Variants in SLC9B1 observed in about 807,000 individuals in gnomAD.
SLC9B1 encodes solute carrier family 9 member B1, also known as sodium/hydrogen exchanger 9B1.
In SLC9B1, 32 loss-of-function variants were observed where a neutral mutation model predicts 51.7. The observed-to-expected ratio is 0.62, with a 90% CI of 0.47 to 0.83. SLC9B1 has a LOEUF of 0.83. SLC9B1 is among the 40% of genes least tolerant of loss of function. SLC9B1 has a pLI of 0.00. For missense variants in SLC9B1, 406 were observed against 613.2 expected (o/e 0.66, Z 3.57); for synonymous variants, 145 against 212.7 (o/e 0.68, Z 2.77).
intron 7 of SLC9B1, among the ~76,000 whole-genome samples, chr4:102,917,494 TC>T (rs1735642078): frequency 6.6e-6 from 1 of 151,608 alleles, no homozygotes; most frequent in South Asian, 2.1e-4. Context: ...TATCTATATC[TC>T]CTATTGGTTC....
chr4:102,905,014 T>C (rs1202374712), intron 11 of SLC9B1, among the ~76,000 whole-genome samples: 11 of 146,320 alleles, frequency 7.5e-5, no homozygotes, highest in Non-Finnish European at 1.4e-4. Flanking sequence ...AGCAGTTGGG[T>C]GTGGTGGCAG....
At chr4:102,959,364 TA>T (rs565849256) in intron 3 of SLC9B1, among the ~76,000 whole-genome samples, 3 of 152,234 alleles carry the variant, frequency 2.0e-5, no homozygotes, top group South Asian at 2.1e-4. Flanking sequence ...AAAATGGGGA[TA>T]AAAAAATTAT....
rs1560950270 is a variant in SLC9B1, at chr4:102,955,903, G to GAAAGAAAGAA, written c.212-6477_212-6476insTTCTTTCTTT. Among the ~76,000 whole-genome samples, 115 of 81,994 alleles carry GAAAGAAAGAA rather than the reference G, an allele frequency of 1.4e-3. 1 individual carries two copies. Among genetic ancestry groups the GAAAGAAAGAA allele is most frequent in the South Asian group, 3.1e-3 (9 of 2,936 alleles). The allele number at this position is 81,994 out of a possible 152,430, so 53.8% of individuals were successfully genotyped here. A position where few individuals can be genotyped will look rare whatever the true frequency, so the allele number is the denominator to read the frequency against. ...AAAGAAAGAAAGAAAGAAAGAAAGA[G>GAAAGAAAGAA]AGAGAAAGACCCACATGCAAGGCTA... On this transcript the variant is annotated intron_variant, in intron 3 of 11. Transcript: ENST00000296422.
At chr4:102,949,458 T>G (rs1737435074) in intron 3 of SLC9B1, 31 bp from the exon 4 acceptor site, 1 of 1,513,326 alleles carries the variant, frequency 6.6e-7, no homozygotes, top group African/African-American at 1.4e-5. Flanking sequence ...CAGCTATATA[T>G]CTACATACAC....
chr4:102,916,461 A>G (rs1192066184), intron 7 of SLC9B1, among the ~76,000 whole-genome samples: 6 of 152,226 alleles, frequency 3.9e-5, no homozygotes, highest in Non-Finnish European at 5.9e-5. Flanking sequence ...TTGAGGGGTA[A>G]CATAGATAAC....
intron 3 of SLC9B1, among the ~76,000 whole-genome samples, chr4:102,953,995 C>T (rs1253738339): frequency 5.9e-5 from 2 of 34,066 alleles, no homozygotes; most frequent in Admixed American, 4.2e-4. Flanking sequence ...CTGGCCAGAA[C>T]TTCCAACACT....
chr4:103,013,639 C>T (rs1741186840), intron 1 of SLC9B1, among the ~76,000 whole-genome samples: 1 of 152,214 alleles, frequency 6.6e-6, no homozygotes, highest in Non-Finnish European at 1.5e-5. Context: ...TTACAAGCAT[C>T]TTAAGTTAGT....
intron 1 of SLC9B1, among the ~76,000 whole-genome samples, chr4:102,999,740 T>C (rs1436392501): frequency 6.6e-6 from 1 of 152,234 alleles, no homozygotes; most frequent in Non-Finnish European, 1.5e-5. Context: ...TCCTCAAGTA[T>C]AGTCCTTTAG....
In SLC9B1 at chr4:102,967,739, C is replaced by A. The variant is rs376433774; in HGVS notation, c.212-18312G>T. 5.3e-5 allele frequency among the ~76,000 whole-genome samples: 8 copies of A among 152,254 alleles called. No individual in the cohort carries two copies. The East Asian group carries it at 1.2e-3, about 22-fold the overall frequency. ...CCCAAACACTTCCCATTAGGCCCCA[C>A]CTCTTAAGCATTCCAACATGAGTTT... is the stretch of plus-strand genomic sequence containing the variant. On this transcript the variant is annotated intron_variant, in intron 3 of 11. Transcript: ENST00000296422.
At chr4:102,893,118 A>G (rs532676210) in intron 11 of SLC9B1, among the ~76,000 whole-genome samples, 1 of 151,978 alleles carries the variant, frequency 6.6e-6, no homozygotes, top group South Asian at 2.1e-4. Context: ...ACTCGTCTCT[A>G]CAAAAATATA....
At chr4:102,934,637 ATGCC>A (rs1318157085) in intron 6 of SLC9B1, among the ~76,000 whole-genome samples, 1 of 151,934 alleles carries the variant, frequency 6.6e-6, no homozygotes, top group Non-Finnish European at 1.5e-5. Flanking sequence ...GCAGTGGTGC[ATGCC>A]TGTAGTCCCA....
intron 11 of SLC9B1, among the ~76,000 whole-genome samples, chr4:102,885,711 C>T (rs1352791141): frequency 6.6e-6 from 1 of 152,034 alleles, no homozygotes; most frequent in Non-Finnish European, 1.5e-5. Context: ...GAGAGAGGAC[C>T]TAAGGTTTAA....
At chr4:102,921,975 C>A (rs750875717) in intron 7 of SLC9B1, among the ~76,000 whole-genome samples, 1 of 152,126 alleles carries the variant, frequency 6.6e-6, no homozygotes, top group Admixed American at 6.6e-5. Context: ...GAATTTCACA[C>A]CCCACTGTCA....
chr4:102,918,068 C>CAAAAA (rs1196562612), intron 7 of SLC9B1, among the ~76,000 whole-genome samples: 1 of 17,756 alleles, frequency 5.6e-5, no homozygotes, highest in African/African-American at 1.5e-4. Flanking sequence ...AACTCCATCT[C>CAAAAA]AAAAAAAAAA....
At chr4:103,004,975 A>C (rs1740705896) in intron 1 of SLC9B1, among the ~76,000 whole-genome samples, 2 of 152,240 alleles carry the variant, frequency 1.3e-5, no homozygotes, top group Admixed American at 1.3e-4. Flanking sequence ...CAGCCACCAC[A>C]AAAACACACT....
chr4:102,937,185 C>G (rs1736762145), intron 6 of SLC9B1, among the ~76,000 whole-genome samples: 1 of 151,882 alleles, frequency 6.6e-6, no homozygotes, highest in Non-Finnish European at 1.5e-5. Flanking sequence ...TCACTGCAAC[C>G]TCCACTTCCC....
At position 102,989,959 on chromosome 4, in the gene SLC9B1, A is replaced by T; in HGVS notation, c.70-18T>A. On this transcript the variant is annotated intron_variant, in intron 2 of 11. Transcript: ENST00000296422. ...ATGAGACTCTGTAGTAAAACAAGAA[A>T]ATCTTTAAGGAACCATACTTTCTGT... 6.4e-7 allele frequency: 1 copy of T among 1,556,714 alleles called. No homozygotes were observed. The highest frequency in any genetic ancestry group is 8.7e-7 in the Non-Finnish European group (1 of 1,146,894).
At chr4:102,917,459 ATATC>A (rs1348510562) in intron 7 of SLC9B1, among the ~76,000 whole-genome samples, 1 of 151,526 alleles carries the variant, frequency 6.6e-6, no homozygotes, top group South Asian at 2.1e-4. Flanking sequence ...ATCTATATCT[ATATC>A]TATATCTATA....
At chr4:102,939,492 C>T (rs1237062151) in intron 6 of SLC9B1, among the ~76,000 whole-genome samples, 6 of 150,272 alleles carry the variant, frequency 4.0e-5, no homozygotes, top group Non-Finnish European at 8.8e-5. Flanking sequence ...AGAGCTGGTA[C>T]CAATGCTACT....
Sources: gnomAD v4.1 joint callset for allele counts (sites outside exome capture counted in the v4.1 genomes callset) on GRCh38, gnomAD v4.1.1 for gene constraint, MANE v1.5 for transcripts, NCBI Gene and HGNC (gene_info 2026-07-23, HGNC 2026-07-21) for gene names.